Variants in NPHP3 observed in about 807,000 individuals in gnomAD.
The protein encoded by NPHP3 is nephrocystin-3.
A neutral mutation model predicts 171.9 loss-of-function variants in NPHP3; 123 were observed. That is an observed-to-expected ratio of 0.72 (90% CI 0.62 to 0.83). The LOEUF (loss-of-function observed/expected upper bound fraction) is 0.83. Among genes scored for constraint, NPHP3 ranks in the 40% least tolerant of loss-of-function variants. The pLI is 0.00. For missense variants in NPHP3, 1,506 were observed against 1,591.9 expected (o/e 0.95, Z 0.92); for synonymous variants, 558 against 579.2 (o/e 0.96, Z 0.52).
intron 7 of NPHP3, among the ~76,000 whole-genome samples, chr3:132,707,091 A>G (rs1939774694): frequency 6.6e-6 from 1 of 152,202 alleles, no homozygotes; most frequent in Non-Finnish European, 1.5e-5. Flanking sequence ...TATTCACATT[A>G]ACTACAGACA....
At chr3:132,717,988 T>G (rs1277756172) in intron 3 of NPHP3, 1 of 414,006 alleles carries the variant, frequency 2.4e-6, no homozygotes, top group Non-Finnish European at 4.7e-6. Flanking sequence ...TCTTTTGACC[T>G]CGTGATCCGC....
chr3:132,698,349 C>T (rs1939511900), intron 13 of NPHP3, among the ~76,000 whole-genome samples: 1 of 152,274 alleles, frequency 6.6e-6, no homozygotes. Flanking sequence ...GCAATCTCAG[C>T]TCACTACAAC....
intron 15 of NPHP3, among the ~76,000 whole-genome samples, chr3:132,695,663 G>A (rs1246017588): frequency 1.3e-5 from 2 of 152,168 alleles, no homozygotes; most frequent in South Asian, 2.1e-4. Context: ...GCTGGGTACA[G>A]TGGCTCACAT....
chr3:132,709,386 G>A (rs113003402), intron 6 of NPHP3, among the ~76,000 whole-genome samples: 5,878 of 143,196 alleles, frequency 0.041, 231 homozygotes, highest in African/African-American at 0.099. Context: ...GGGCTCAAGC[G>A]ATCCTCCCAC....
chr3:132,682,400 A>G, intron 26 of NPHP3: 3 of 550,040 alleles, frequency 5.5e-6, no homozygotes, highest in Non-Finnish European at 9.7e-6. Flanking sequence ...AAGTCAACAT[A>G]TACTTAATGG....
chr3:132,718,904 G>T, intron 3 of NPHP3, 90 bp downstream of exon 3: 1 of 1,327,812 alleles, frequency 7.5e-7, no homozygotes, highest in Non-Finnish European at 1.1e-6. Flanking sequence ...ATATAGATAA[G>T]TAAAAGAAAT....
Position 132,697,346 on chromosome 3 carries a change from G to GAAGT in NPHP3, c.1998_2001dup (p.His668ThrfsTer4). The GAAGT allele has an allele frequency of 6.2e-7, 1 of 1,609,702 alleles. No homozygotes were observed. The highest frequency in any genetic ancestry group is 8.5e-7 in the Non-Finnish European group (1 of 1,177,600). On this transcript the variant is annotated frameshift_variant, in exon 14 of 27. Coordinates refer to ENST00000337331, the MANE Select transcript of NPHP3 (RefSeq NM_153240.5). LOFTEE classifies it high-confidence loss of function. ...TCTTTTGGACTTAAGGGATCAAGATGAAGTGTAGGCCACAACCTTTTATGT... is the reference window on the plus strand; with the variant it reads ...TCTTTTGGACTTAAGGGATCAAGATGAAGTAAGTGTAGGCCACAACCTTTTATGT...
In NPHP3 at chr3:132,689,143, G is replaced by A; in HGVS notation, c.2814C>T (p.Asn938=). The change falls in exon 20 of 27, where the codon AAC becomes AAT. Residue 938 remains asparagine, a synonymous_variant. Coordinates refer to ENST00000337331, the MANE Select transcript of NPHP3 (RefSeq NM_153240.5). ...QYEKNCEGED[N]MSCLADLYET... ...CATAAAGATCAGCTAAGCAACTCAT[G>A]TTGTCCTCGCCTTCGCAGTTTTTCT... 2 of 1,614,162 alleles carry A rather than the reference G, an allele frequency of 1.2e-6. No individual in the cohort carries two copies. Among genetic ancestry groups the A allele is most frequent in the Non-Finnish European group, 1.7e-6 (2 of 1,180,008 alleles).
Position 132,694,866 on chromosome 3 carries a change from C to A in NPHP3, c.2271G>T (p.Glu757Asp). The change falls in exon 16 of 27, where the codon GAG (glutamate) becomes GAT (aspartate). Residue 757 changes from glutamate to aspartate, a missense_variant. Physicochemically the swap from Glu to Asp is conservative, Grantham distance 45. Around this residue, in one of 3 missense-constraint regions of NPHP3, gnomAD observed 930 missense variants for 924.9 expected, o/e 1.01. Coordinates refer to ENST00000337331, the MANE Select transcript of NPHP3 (RefSeq NM_153240.5). Reference sequence around the variant, plus strand: ...CTTTATCCACATCATTTGCCATGGACTCCCGGATAGAGTGCAGAACAAGTC... The same window carrying A: ...CTTTATCCACATCATTTGCCATGGAATCCCGGATAGAGTGCAGAACAAGTC... ...LYRLVLHSIR[E>D]SMANDVDKEL... 6.2e-7 allele frequency: 1 copy of A among 1,613,686 alleles called. No homozygotes were observed. The highest frequency in any genetic ancestry group is 8.5e-7 in the Non-Finnish European group (1 of 1,179,912).
intron 6 of NPHP3, among the ~76,000 whole-genome samples, chr3:132,708,658 A>G (rs1221764522): frequency 1.3e-5 from 2 of 152,220 alleles, no homozygotes; most frequent in African/African-American, 4.8e-5. Flanking sequence ...TAACACAAGT[A>G]GGCAGGAGGT....
Position 132,699,991 on chromosome 3 carries a change from C to A in NPHP3, c.1814G>T (p.Arg605Leu). The change falls in exon 12 of 27, where the codon CGT (arginine) becomes CTT (leucine). Residue 605 changes from arginine (R) to leucine (L), a missense_variant. Physicochemically the swap from Arg to Leu is moderately radical, Grantham distance 102. Transcript: ENST00000337331. The stretch of plus-strand genomic sequence containing the variant: ...ACGAGCAGAGAGTTTTTCCAGCCAA[C>A]GTGGAAATTCTTCCAGAAGCTTAGC... ...DPAKLLEEFP[R>L]WLEKLSARHQ... The A allele has an allele frequency of 6.2e-7, 1 of 1,613,982 alleles. No homozygotes were observed. Among genetic ancestry groups the A allele is most frequent in the Non-Finnish European group, 8.5e-7 (1 of 1,179,966 alleles).
In NPHP3 at chr3:132,721,948, C is replaced by T; in HGVS notation, c.393+15G>A. The T allele has an allele frequency of 6.2e-7, 1 of 1,611,470 alleles. No homozygotes were observed. Among genetic ancestry groups the T allele is most frequent in the Non-Finnish European group, 8.5e-7 (1 of 1,179,632 alleles). On this transcript the variant is annotated intron_variant, in intron 1 of 26. Coordinates refer to ENST00000337331, the MANE Select transcript of NPHP3 (RefSeq NM_153240.5). ...CCCAAGGGTCTCCCGGCGTCGCGGC[C>T]CAGCCCGGCGTTACCTGCAGTTCGG...
intron 3 of NPHP3, among the ~76,000 whole-genome samples, chr3:132,717,752 CTTTTTTTTTTTT>C (rs959757847): frequency 1.2e-5 from 1 of 81,262 alleles, no homozygotes; most frequent in African/African-American, 5.0e-5. Context: ...CATTAAGAAT[CTTTTTTTTTTTT>C]TTTTTTTTTT....
chr3:132,690,233 C>G (rs74660833), intron 19 of NPHP3, among the ~76,000 whole-genome samples: 11 of 152,264 alleles, frequency 7.2e-5, no homozygotes, highest in African/African-American at 7.2e-5. Flanking sequence ...GCAGACATTA[C>G]GAACCACCTC....
At chr3:132,690,466 T>C (rs929434757) in intron 19 of NPHP3, 62 bp downstream of exon 19, 3 of 1,513,810 alleles carry the variant, frequency 2.0e-6, no homozygotes, top group Non-Finnish European at 1.8e-6. Context: ...ATTTTTTCTT[T>C]GTTAAACTGA....
At chr3:132,695,039 A>C (rs1939417411) in intron 15 of NPHP3, 74 bp from the exon 16 acceptor site, 3 of 1,392,676 alleles carry the variant, frequency 2.2e-6, no homozygotes, top group Non-Finnish European at 3.0e-6. Context: ...TCGATTAAAA[A>C]CAACGTGAAC....
chr3:132,690,446 TA>T, intron 19 of NPHP3, 81 bp downstream of exon 19: 2 of 1,390,650 alleles, frequency 1.4e-6, no homozygotes, highest in Non-Finnish European at 2.0e-6. Context: ...ATTTTTAAAT[TA>T]AAAATACCAT....
intron 18 of NPHP3, 102 bp downstream of exon 18, chr3:132,691,087 AATT>A (rs1435039880): frequency 1.1e-6 from 1 of 875,724 alleles, no homozygotes; most frequent in Non-Finnish European, 2.0e-6. Flanking sequence ...TTTTTGTAAT[AATT>A]AAGTTTTTGT....
rs1348327062 is a variant in NPHP3, at chr3:132,680,875, A to G, written c.*1035T>C. The G allele has an allele frequency of 6.6e-6, 1 of 152,234 alleles. No individual in the cohort carries two copies. The highest frequency in any genetic ancestry group is 1.5e-5 in the Non-Finnish European group (1 of 68,038). The allele number at this position is 152,234 out of a possible 1,614,324, so 9.4% of individuals were successfully genotyped here. A position where few individuals can be genotyped will look rare whatever the true frequency, so the allele number is the denominator to read the frequency against. On this transcript the variant is annotated 3_prime_UTR_variant, in exon 27 of 27. Coordinates refer to ENST00000337331, the MANE Select transcript of NPHP3 (RefSeq NM_153240.5). ...ATTTAGGCCATCTAAGAAGGAAGAT[A>G]AAGGAGAATGTCATATCTATATTTT...
Sources: gnomAD v4.1 joint callset for allele counts (sites outside exome capture counted in the v4.1 genomes callset) on GRCh38, gnomAD v4.1.1 for gene constraint, gnomAD v4.1.1 regional missense constraint, MANE v1.5 for transcripts, NCBI Gene and HGNC (gene_info 2026-07-23, HGNC 2026-07-21) for gene names.